HRH1: variants seen among roughly 807,000 people sequenced by gnomAD.
The protein encoded by HRH1 is histamine receptor H1.
HRH1 carries 6 observed loss-of-function variants against 10.3 expected under a neutral mutation model. The ratio of observed to expected loss-of-function variants is 0.58; its 90% confidence interval spans 0.32 to 1.15. HRH1 has a LOEUF of 1.15. Ranked by LOEUF, HRH1 falls within the 50% of genes most tolerant of loss-of-function variation. HRH1 has a pLI of 0.05. For missense variants in HRH1, 514 were observed against 615.3 expected, an observed-to-expected ratio of 0.84 and a Z score of 1.74; for synonymous variants, 242 against 236.7, an observed-to-expected ratio of 1.02 and a Z score of -0.21.
At chr3:11,230,862 C>T (rs1330588665) in intron 1 of HRH1, among the ~76,000 whole-genome samples, 1 of 152,182 alleles carries the variant, frequency 6.6e-6, no homozygotes, top group Non-Finnish European at 1.5e-5. Flanking sequence ...ATCCTGCATA[C>T]ACTTTACTCA....
intron 1 of HRH1, among the ~76,000 whole-genome samples, chr3:11,169,783 A>G (rs1474503631): frequency 6.6e-6 from 1 of 152,226 alleles, no homozygotes; most frequent in Non-Finnish European, 1.5e-5. Context: ...TTCAATATCC[A>G]CGTGAGTTGC....
chr3:11,234,321 C>G, intron 1 of HRH1: 1 of 1,579,692 alleles, frequency 6.3e-7, no homozygotes, highest in Non-Finnish European at 8.7e-7. Context: ...GCTTGTTCTG[C>G]TGGCTTCTTC....
intron 1 of HRH1, among the ~76,000 whole-genome samples, chr3:11,257,387 C>G (rs1939809444): frequency 2.0e-5 from 3 of 151,754 alleles, no homozygotes; most frequent in African/African-American, 7.3e-5. Context: ...GAAACCCCGT[C>G]TCTACTAAAA....
intron 1 of HRH1, among the ~76,000 whole-genome samples, chr3:11,168,640 C>A (rs866167748): frequency 1.4e-4 from 21 of 152,238 alleles, no homozygotes; most frequent in Non-Finnish European, 2.9e-5. Context: ...GTTGTGCCTG[C>A]GTCCTGGGGC....
chr3:11,141,527 A>G (rs1936291298), intron 1 of HRH1, among the ~76,000 whole-genome samples: 1 of 152,106 alleles, frequency 6.6e-6, no homozygotes, highest in Non-Finnish European at 1.5e-5. Flanking sequence ...TCCACTTCCA[A>G]TTGGTTCACT....
chr3:11,147,327 C>A (rs1936473454), intron 1 of HRH1, among the ~76,000 whole-genome samples: 1 of 152,110 alleles, frequency 6.6e-6, no homozygotes, highest in South Asian at 2.1e-4. Context: ...GAGAAAGAAC[C>A]ACATGGTTGA....
At position 11,259,975 on chromosome 3, in the gene HRH1, C is replaced by T. The variant is rs201210547; in HGVS notation, c.938C>T (p.Ala313Val). The T allele has an allele frequency of 1.3e-4, 204 of 1,614,068 alleles. No individual in the cohort carries two copies. The highest frequency in any genetic ancestry group is 5.2e-4 in the African/African-American group (39 of 75,028). The change falls in exon 2 of 2, where the codon GCG becomes GTG. Residue 313 changes from alanine (A) to valine (V), a missense_variant. Coordinates refer to ENST00000431010, the MANE Select transcript of HRH1 (RefSeq NM_001098212.2). The surrounding 1 kb of genome is among the most constrained non-coding windows in gnomAD (Gnocchi z 4.6). ...FPLDIVHMQAAAEGSSRDYVA... is the reference protein window; with the variant it reads ...FPLDIVHMQAVAEGSSRDYVA... ...CTTGATATTGTGCACATGCAGGCTG[C>T]GGCAGAGGGGAGTAGCAGGGACTAT...
Position 11,263,271 on chromosome 3 carries a change from C to A in HRH1, c.*2770C>A, listed in dbSNP as rs1164802258. ...TTTGGCTACTTGGCTTGTGGACAAT[C>A]TCTGACCTCTTTTGAAGATGGGCAC... On this transcript the variant is annotated 3_prime_UTR_variant, in exon 2 of 2. Transcript: ENST00000431010. 1 of 167,096 alleles carries A rather than the reference C, an allele frequency of 6.0e-6. No individual in the cohort carries two copies. The highest frequency in any genetic ancestry group is 1.5e-5 in the Non-Finnish European group (1 of 68,130). The allele number at this position is 167,096 out of a possible 1,614,324, so 10.4% of individuals were successfully genotyped here. A position where few individuals can be genotyped will look rare whatever the true frequency, so the allele number is the denominator to read the frequency against.
chr3:11,230,756 G>A (rs964562549), intron 1 of HRH1, among the ~76,000 whole-genome samples: 1 of 152,196 alleles, frequency 6.6e-6, no homozygotes, highest in Non-Finnish European at 1.5e-5. Flanking sequence ...AACCATAGTG[G>A]CTGGGAATCT....
At chr3:11,184,243 A>G (rs1937410628) in intron 1 of HRH1, among the ~76,000 whole-genome samples, 1 of 152,238 alleles carries the variant, frequency 6.6e-6, no homozygotes, top group South Asian at 2.1e-4. Context: ...AGTCCTTTAC[A>G]TATATTAACG....
At chr3:11,231,807 CA>C (rs1939047925) in intron 1 of HRH1, among the ~76,000 whole-genome samples, 1 of 152,094 alleles carries the variant, frequency 6.6e-6, no homozygotes. Flanking sequence ...GGGTCTTTCA[CA>C]GAACGAAAAT....
chr3:11,260,678 G>A lies in HRH1; in HGVS notation c.*177G>A, dbSNP rs1215152531. On this transcript the variant is annotated 3_prime_UTR_variant, in exon 2 of 2. Transcript: ENST00000431010. ...CACCATAGAAGAACAGCAGATGGCG[G>A]TGATCAGCAGAGAGATTGAACTTTG... 3 of 589,746 alleles carry A rather than the reference G, an allele frequency of 5.1e-6. No individual in the cohort carries two copies. The highest frequency in any genetic ancestry group is 9.1e-6 in the Non-Finnish European group (3 of 329,580). 36.5% of individuals were successfully genotyped at this position (589,746 alleles called of 1,614,324 possible).
At chr3:11,233,109 A>G (rs965719569) in intron 1 of HRH1, among the ~76,000 whole-genome samples, 2 of 152,168 alleles carry the variant, frequency 1.3e-5, no homozygotes, top group Non-Finnish European at 2.9e-5. Context: ...CTGTTTGGTT[A>G]ACAGCTTCTT....
rs1406167597 is a variant in HRH1, at chr3:11,241,285, TAC to T, written c.-35-17717_-35-17716del. ...CATTGTCCTGTACAAACAAACCACG[TAC>T]GTCTTCTATAAATTTCATCATAAGC... On this transcript the variant is annotated intron_variant, in intron 1 of 1. Transcript: ENST00000431010. Among the ~76,000 whole-genome samples, 17 of 63,868 alleles carry T rather than the reference TAC, an allele frequency of 2.7e-4. No homozygotes were observed. In the South Asian group the frequency reaches 4.6e-3, roughly 17 times the overall value. 41.9% of individuals were successfully genotyped at this position (63,868 alleles called of 152,430 possible).
chr3:11,238,036 C>CTTTGTTTGTTTG (rs34450745), intron 1 of HRH1, among the ~76,000 whole-genome samples: 2,448 of 150,674 alleles, frequency 0.016, 45 homozygotes, highest in African/African-American at 0.037. Flanking sequence ...TTAATGCTGC[C>CTTTGTTTGTTTG]TTTGTTTGTT....
intron 1 of HRH1, among the ~76,000 whole-genome samples, chr3:11,246,426 G>A (rs1939491532): frequency 2.0e-5 from 3 of 152,166 alleles, no homozygotes; most frequent in Non-Finnish European, 2.9e-5. Flanking sequence ...AGTGACATGG[G>A]ATCCATGTCC....
rs373661540 is a variant in HRH1 at position 11,259,893 on chromosome 3, C to T, written c.856C>T (p.Pro286Ser). The stretch of plus-strand genomic sequence containing the variant: ...CCAAACCCCCAAGGAGATGAAATCC[C>T]CAGTTGTCTTCAGCCAAGAGGATGA... ...PSQTPKEMKS[P>S]VVFSQEDDRE... The change falls in exon 2 of 2, where the codon CCA becomes TCA. Residue 286 changes from proline (P) to serine (S), a missense_variant. Transcript: ENST00000431010. This position sits in a 1 kb window ranked among gnomAD's most constrained non-coding sequence, Gnocchi z 4.6. 2.5e-6 allele frequency: 4 copies of T among 1,613,932 alleles called. No individual in the cohort carries two copies. Among genetic ancestry groups the T allele is most frequent in the African/African-American group, 2.7e-5 (2 of 74,880 alleles).
intron 1 of HRH1, among the ~76,000 whole-genome samples, chr3:11,208,398 C>T (rs553796686): frequency 1.3e-5 from 2 of 152,274 alleles, no homozygotes; most frequent in East Asian, 3.9e-4. Flanking sequence ...GCGATCTACC[C>T]GCCTTGGCCT....
chr3:11,227,864 G>A (rs1260608671), intron 1 of HRH1, among the ~76,000 whole-genome samples: 1 of 152,148 alleles, frequency 6.6e-6, no homozygotes, highest in African/African-American at 2.4e-5. Flanking sequence ...GTTGGAGCTG[G>A]CCAATTAATC....
Sources: allele counts gnomAD v4.1 joint callset (sites outside exome capture counted in the v4.1 genomes callset), GRCh38; gene constraint gnomAD v4.1.1; non-coding constraint Gnocchi (gnomAD v3.1); transcripts MANE v1.5; gene names NCBI Gene and HGNC (gene_info 2026-07-23, HGNC 2026-07-21).